Variants in UBA2 observed in about 807,000 individuals in gnomAD.
The protein encoded by UBA2 is SUMO-activating enzyme subunit 2.
Under a neutral mutation model 77.2 loss-of-function variants are expected in UBA2, and 11 were observed. The observed-to-expected ratio is 0.14, with a 90% confidence interval of 0.09 to 0.24. The LOEUF (loss-of-function observed/expected upper bound fraction) is 0.24, where lower values mean the gene tolerates loss of function less well. Among genes scored for constraint, UBA2 ranks in the 10% least tolerant of loss-of-function variants. UBA2 has a pLI of 1.00. For synonymous variants in UBA2, 278 were observed against 276.7 expected (o/e 1.00, Z -0.05); for missense variants, 487 against 781.7 (o/e 0.62, Z 4.50).
In UBA2 at chr19:34,434,958, C is replaced by A; in HGVS notation, c.449C>A (p.Thr150Asn). The A allele has an allele frequency of 6.2e-7, 1 of 1,600,120 alleles. No individual in the cohort carries two copies. Among genetic ancestry groups the A allele is most frequent in the Non-Finnish European group, 8.5e-7 (1 of 1,173,826 alleles). The change falls in exon 5 of 17, where the codon ACT (threonine) becomes AAT (asparagine). Residue 150 changes from threonine (T) to asparagine (N), a missense_variant. Physicochemically the swap from Thr to Asn is moderately conservative, Grantham distance 65. This residue lies in a region of UBA2 where 66 missense variants were observed against 112.0 expected (regional missense o/e 0.59). Transcript: ENST00000246548. ...GTAGYLGQVT[T>N]IKKGVTECYE... is the part of the protein sequence containing the mutation. ...GCTGGGTATCTTGGACAAGTAACTA[C>A]TATCAAAAAGGTAAAGAAAAGTTTT...
intron 4 of UBA2, among the ~76,000 whole-genome samples, chr19:34,433,684 G>A (rs2075279252): frequency 6.6e-6 from 1 of 152,200 alleles, no homozygotes; most frequent in Non-Finnish European, 1.5e-5. Context: ...CTGTGGCTCA[G>A]CACAGTGGCT....
At chr19:34,446,383 GCTAA>G (rs2075430419) in intron 8 of UBA2, among the ~76,000 whole-genome samples, 1 of 152,124 alleles carries the variant, frequency 6.6e-6, no homozygotes, top group Non-Finnish European at 1.5e-5. Flanking sequence ...TTCGGTAAAG[GCTAA>G]CTTTTGCATG....
rs540562180 is a variant in UBA2 at position 34,439,857 on chromosome 19, A to G, written c.581+1091A>G. 1.3e-3 allele frequency among the ~76,000 whole-genome samples: 194 copies of G among 152,052 alleles called. 2 individuals carry two copies. The South Asian group carries it at 0.021, about 16-fold the overall frequency. On this transcript the variant is annotated intron_variant, in intron 6 of 16. Transcript: ENST00000246548. ...AAGAAAAAAAGAATGAGAAGGAAGG[A>G]TATTAATTGAAGTAAGAGCACATTT...
At chr19:34,456,415 C>G (rs1032257075) in intron 12 of UBA2, among the ~76,000 whole-genome samples, 1 of 151,728 alleles carries the variant, frequency 6.6e-6, no homozygotes, top group Non-Finnish European at 1.5e-5. Flanking sequence ...CGCCCAGCCT[C>G]GATGCACTCT....
At chr19:34,437,587 G>A (rs946652997) in intron 5 of UBA2, among the ~76,000 whole-genome samples, 1 of 152,006 alleles carries the variant, frequency 6.6e-6, no homozygotes, top group African/African-American at 2.4e-5. Flanking sequence ...TCCAACCTGG[G>A]CAACGAGCGA....
At chr19:34,444,213 G>A (rs764036599) in intron 7 of UBA2, among the ~76,000 whole-genome samples, 3 of 151,412 alleles carry the variant, frequency 2.0e-5, no homozygotes, top group Non-Finnish European at 2.9e-5. Flanking sequence ...ACCTGCCACC[G>A]CGCCCAGCTA....
At chr19:34,444,137 A>G (rs1435378979) in intron 7 of UBA2, among the ~76,000 whole-genome samples, 1 of 136,078 alleles carries the variant, frequency 7.3e-6, no homozygotes, top group African/African-American at 2.7e-5. Flanking sequence ...GGCTCACTGC[A>G]ACCTCCGCCT....
At chr19:34,433,593 G>A (rs947393688) in intron 4 of UBA2, among the ~76,000 whole-genome samples, 181 bp downstream of exon 4, 1 of 152,122 alleles carries the variant, frequency 6.6e-6, no homozygotes, top group Non-Finnish European at 1.5e-5. Flanking sequence ...TATTCCAGGC[G>A]GGAATTTAGC....
At position 34,455,947 on chromosome 19, in the gene UBA2, C is replaced by CG. The variant is rs1555730483; in HGVS notation, c.1245+1391_1245+1392insG. On this transcript the variant is annotated intron_variant, in intron 12 of 16. Coordinates refer to ENST00000246548, the MANE Select transcript of UBA2 (RefSeq NM_005499.3). Reference sequence around the variant, plus strand: ...ACAGGCATGAGCCACTGCGCCCGGCCTTTTTTTTTTAAACTGATGGGGTCT... The same window carrying CG: ...ACAGGCATGAGCCACTGCGCCCGGCCGTTTTTTTTTTAAACTGATGGGGTCT... 8.1e-3 allele frequency among the ~76,000 whole-genome samples: 1,195 copies of CG among 147,850 alleles called. 8 individuals carry two copies. Among genetic ancestry groups the CG allele is most frequent in the African/African-American group, 0.028 (1,114 of 40,362 alleles).
chr19:34,437,632 A>T (rs947805274), intron 5 of UBA2, among the ~76,000 whole-genome samples: 1 of 152,074 alleles, frequency 6.6e-6, no homozygotes. Context: ...AAAAGAAGAG[A>T]CTGAGGTTAG....
intron 8 of UBA2, among the ~76,000 whole-genome samples, chr19:34,449,158 C>T (rs1266550764): frequency 1.4e-5 from 2 of 147,932 alleles, no homozygotes; most frequent in Non-Finnish European, 3.0e-5. Flanking sequence ...CACTCTCCGC[C>T]TCCCAGGTTC....
At position 34,460,539 on chromosome 19, in the gene UBA2, A is replaced by G. The variant is rs2075619691; in HGVS notation, c.1471A>G (p.Ile491Val). 1 of 1,611,526 alleles carries G rather than the reference A, an allele frequency of 6.2e-7. No homozygotes were observed. Among genetic ancestry groups the G allele is most frequent in the South Asian group, 1.1e-5 (1 of 90,282 alleles). ...QIEDGKGTILISSEEGETEAN... is the reference protein window; with the variant it reads ...QIEDGKGTILVSSEEGETEAN... The stretch of plus-strand genomic sequence containing the variant: ...TGAAGATGGGAAAGGAACAATCCTA[A>G]TATCTTCCGAAGAGGGAGAGACGGA... Residue 491 changes from isoleucine (I) to valine (V), a missense_variant, in exon 14 of 17, where the codon ATA (isoleucine) becomes GTA (valine). Around this residue, in one of 9 missense-constraint regions of UBA2, gnomAD observed 300 missense variants for 454.3 expected, o/e 0.66. Coordinates refer to ENST00000246548, the MANE Select transcript of UBA2 (RefSeq NM_005499.3).
intron 12 of UBA2, among the ~76,000 whole-genome samples, chr19:34,457,615 C>G (rs886766992): frequency 1.3e-5 from 2 of 152,100 alleles, no homozygotes; most frequent in Admixed American, 6.5e-5. Context: ...TACGGAGAAG[C>G]TATTTTACAG....
intron 1 of UBA2, among the ~76,000 whole-genome samples, chr19:34,429,883 A>G (rs142648892): frequency 3.5e-4 from 53 of 152,240 alleles, no homozygotes; most frequent in Non-Finnish European, 6.6e-4. Context: ...AATATTTTGT[A>G]CTTGAAAGAG....
chr19:34,428,994 G>A, intron 1 of UBA2: 2 of 985,686 alleles, frequency 2.0e-6, no homozygotes, highest in Non-Finnish European at 2.4e-6. Context: ...GCGGAGGATG[G>A]CAATGATAGC....
chr19:34,470,092 T>TAA lies in UBA2; in HGVS notation c.*887_*888dup, dbSNP rs35033516. On this transcript the variant is annotated 3_prime_UTR_variant, in exon 17 of 17. Coordinates refer to ENST00000246548, the MANE Select transcript of UBA2 (RefSeq NM_005499.3). ...CAACATGGTGAAACCCCATCTCTACTAAAAAAAAAAAAAAAAATTAGCCGG... is the reference window on the plus strand; with the variant it reads ...CAACATGGTGAAACCCCATCTCTACTAAAAAAAAAAAAAAAAAAATTAGCCGG... 0.017 allele frequency: 2,348 copies of TAA among 141,244 alleles called. 62 individuals are homozygous for TAA. The highest frequency in any genetic ancestry group is 0.05 in the African/African-American group (1,920 of 38,328). The allele number at this position is 141,244 out of a possible 1,614,324, so 8.7% of individuals were successfully genotyped here.
chr19:34,446,568 C>G (rs1294111028), intron 8 of UBA2, among the ~76,000 whole-genome samples: 1 of 151,560 alleles, frequency 6.6e-6, no homozygotes, highest in African/African-American at 2.4e-5. Context: ...CGTCTTATTT[C>G]CTCAGTGGTA....
chr19:34,434,399 A>G (rs964440054), intron 4 of UBA2, among the ~76,000 whole-genome samples: 2 of 152,200 alleles, frequency 1.3e-5, no homozygotes, highest in African/African-American at 4.8e-5. Flanking sequence ...TATGGGCATG[A>G]GCCAGTGCTC....
rs926383960 is a variant in UBA2, at chr19:34,443,016, G to C, written c.582-828G>C. Among the ~76,000 whole-genome samples the C allele has an allele frequency of 2.0e-5, 3 of 152,088 alleles. No individual in the cohort carries two copies. In the East Asian group the frequency reaches 5.8e-4, roughly 29 times the overall value. ...CCATGAGTTATTAAACAGTTTTTAG[G>C]ATAACTTTATTAATAAAAGAGAATC... On this transcript the variant is annotated intron_variant, in intron 6 of 16. Coordinates refer to ENST00000246548, the MANE Select transcript of UBA2 (RefSeq NM_005499.3).
Sources: allele counts gnomAD v4.1 joint callset (sites outside exome capture counted in the v4.1 genomes callset), GRCh38; gene constraint gnomAD v4.1.1; regional missense constraint gnomAD v4.1.1; transcripts MANE v1.5; gene names NCBI Gene and HGNC (gene_info 2026-07-23, HGNC 2026-07-21).